RAPH1: variants seen among roughly 807,000 people sequenced by gnomAD.
RAPH1 encodes ras-associated and pleckstrin homology domains-containing protein 1.
In RAPH1, 18 loss-of-function variants were observed where a neutral mutation model predicts 88.1. That is an observed-to-expected ratio of 0.20 (90% CI 0.14 to 0.30). RAPH1 has a LOEUF of 0.30. RAPH1 is among the 10% of genes least tolerant of loss of function. The probability of loss-of-function intolerance (pLI) is 1.00; values close to 1 mark genes in which losing one functional copy is unlikely to be tolerated. For synonymous variants in RAPH1, 587 were observed against 559.0 expected (o/e 1.05, Z -0.71); for missense variants, 1,448 against 1,543.2 (o/e 0.94, Z 1.03).
intron 7 of RAPH1, among the ~76,000 whole-genome samples, chr2:203,458,718 G>T (rs1328510678): frequency 2.0e-5 from 3 of 151,940 alleles, no homozygotes; most frequent in Non-Finnish European, 4.4e-5. Context: ...CAAATCCACA[G>T]ATGCAGAACC....
Position 203,441,123 on chromosome 2 carries a change from G to T in RAPH1, c.2067C>A (p.Pro689=), listed in dbSNP as rs774181134. 2 of 1,612,318 alleles carry T rather than the reference G, an allele frequency of 1.2e-6. No individual in the cohort carries two copies. Among genetic ancestry groups the T allele is most frequent in the Non-Finnish European group, 1.7e-6 (2 of 1,179,344 alleles). Reference sequence around the variant, plus strand: ...TCACTGACTGTGACTGCATCACTGGGGGTGTTGGCGGCTTAAACAGGGCCC... The same window carrying T: ...TCACTGACTGTGACTGCATCACTGGTGGTGTTGGCGGCTTAAACAGGGCCC... ...HSGALFKPPT[P]PVMQSQSVKP... Residue 689 remains proline, a synonymous_variant, in exon 14 of 14, where the codon CCC becomes CCA. Coordinates refer to ENST00000319170, the MANE Select transcript of RAPH1 (RefSeq NM_213589.3).
chr2:203,501,077 CCAACTGTGCAAGTTA>C, intron 1 of RAPH1, among the ~76,000 whole-genome samples: 1 of 152,126 alleles, frequency 6.6e-6, no homozygotes, highest in Admixed American at 6.5e-5. Context: ...AAGGAGTACC[CCAACTGTGCAAGTTA>C]CAACTGTTGC....
chr2:203,512,074 A>G (rs1378924087), intron 1 of RAPH1, among the ~76,000 whole-genome samples: 1 of 151,896 alleles, frequency 6.6e-6, no homozygotes, highest in Non-Finnish European at 1.5e-5. Context: ...GATCGCACCA[A>G]TGCACTCCAG....
intron 1 of RAPH1, among the ~76,000 whole-genome samples, chr2:203,518,645 A>G (rs1027127461): frequency 7.9e-5 from 12 of 152,134 alleles, no homozygotes; most frequent in Non-Finnish European, 1.2e-4. Context: ...CAGGAGTTCA[A>G]CACCAGCCTG....
chr2:203,496,030 T>C (rs1243969773), intron 1 of RAPH1, among the ~76,000 whole-genome samples: 1 of 152,230 alleles, frequency 6.6e-6, no homozygotes, highest in Non-Finnish European at 1.5e-5. Flanking sequence ...TATAAGTCCC[T>C]TGAAAGAAGA....
chr2:203,443,116 C>T (rs1192248872), intron 13 of RAPH1: 2 of 152,196 alleles, frequency 1.3e-5, no homozygotes, highest in African/African-American at 2.4e-5. Context: ...TTCAGCCCCA[C>T]ATGGTGCTAC....
rs574875025 is a variant in RAPH1, at chr2:203,453,391, C to G, written c.1413+1039G>C. 1.7e-4 allele frequency among the ~76,000 whole-genome samples: 25 copies of G among 151,498 alleles called. No homozygotes were observed. The East Asian group carries it at 4.9e-3, about 29-fold the overall frequency. ...TAAACCCTGTCTCTACAAAAAAACA[C>G]AAAAATTAGCTGGGTGTGGTGGCAT... On this transcript the variant is annotated intron_variant, in intron 10 of 13. Transcript: ENST00000319170.
At position 203,439,856 on chromosome 2, in the gene RAPH1, A is replaced by G. The variant is rs1014717965; in HGVS notation, c.3334T>C (p.Ser1112Pro). 6 of 1,613,124 alleles carry G rather than the reference A, an allele frequency of 3.7e-6. No homozygotes were observed. The highest frequency in any genetic ancestry group is 5.1e-6 in the Non-Finnish European group (6 of 1,179,838). ...GGGGCCTTCTTCACTGACATTTTAGACCATTGTTGTGGTTGAGGATTAACG... is the reference window on the plus strand; with the variant it reads ...GGGGCCTTCTTCACTGACATTTTAGGCCATTGTTGTGGTTGAGGATTAACG... ...AVVNPQPQQW[S>P]KMSVKKAPPP... The change falls in exon 14 of 14, where the codon TCT (serine) becomes CCT (proline). Residue 1112 changes from serine (S) to proline (P), a missense_variant. Ser to Pro is a moderately conservative substitution (Grantham distance 74). This residue lies in a region of RAPH1 where 935 missense variants were observed against 890.1 expected (regional missense o/e 1.05). Transcript: ENST00000319170.
At chr2:203,522,661 G>T (rs1689939104) in intron 1 of RAPH1, among the ~76,000 whole-genome samples, 1 of 152,064 alleles carries the variant, frequency 6.6e-6, no homozygotes, top group Non-Finnish European at 1.5e-5. Context: ...CAGCAGTTTG[G>T]AAGGCTGAGG....
chr2:203,534,516 C>G (rs936791075), intron 1 of RAPH1, among the ~76,000 whole-genome samples: 1 of 106,020 alleles, frequency 9.4e-6, no homozygotes, highest in African/African-American at 3.0e-5. Flanking sequence ...CCACCCCCCC[C>G]CCCCCCCCAT....
In RAPH1 at chr2:203,467,650, T is replaced by C. The variant is rs541628663; in HGVS notation, c.733-5725A>G. ...TCGCTATATACAGGAGGACTTTTCA[T>C]GTCCAAGGTCTCAGGACCAACTTCA... On this transcript the variant is annotated intron_variant, in intron 4 of 13. Coordinates refer to ENST00000319170, the MANE Select transcript of RAPH1 (RefSeq NM_213589.3). 8.5e-5 allele frequency among the ~76,000 whole-genome samples: 13 copies of C among 152,260 alleles called. No individual in the cohort carries two copies. The East Asian group carries it at 1.9e-3, about 23-fold the overall frequency.
Position 203,477,119 on chromosome 2 carries a change from T to C in RAPH1, c.732+12465A>G, listed in dbSNP as rs201813057. 8.7e-5 allele frequency: 140 copies of C among 1,613,950 alleles called. 1 individual carries two copies. The highest frequency in any genetic ancestry group is 2.3e-5 in the Non-Finnish European group (27 of 1,179,960). ...TTCTTCTGTGAAGTCAATATGACGC[T>C]TGGCCTGCTTGCTGGAACATCTCAG... On this transcript the variant is annotated intron_variant, in intron 4 of 13. Coordinates refer to ENST00000319170, the MANE Select transcript of RAPH1 (RefSeq NM_213589.3).
At chr2:203,479,644 A>G (rs975258960) in intron 4 of RAPH1, among the ~76,000 whole-genome samples, 13 of 152,154 alleles carry the variant, frequency 8.5e-5, no homozygotes, top group Admixed American at 5.2e-4. Context: ...AGTATTCAAC[A>G]AGAGATGATT....
In RAPH1 at chr2:203,489,706, T is replaced by A; in HGVS notation, c.610A>T (p.Ile204Phe). 1 of 1,614,182 alleles carries A rather than the reference T, an allele frequency of 6.2e-7. No homozygotes were observed. Among genetic ancestry groups the A allele is most frequent in the Non-Finnish European group, 8.5e-7 (1 of 1,180,026 alleles). The change falls in exon 4 of 14, where the codon ATT (isoleucine) becomes TTT (phenylalanine). Residue 204 changes from isoleucine (I) to phenylalanine (F), a missense_variant. Coordinates refer to ENST00000319170, the MANE Select transcript of RAPH1 (RefSeq NM_213589.3). ...GTVSDAEVHSISNSSHSSITS... is the reference protein window; with the variant it reads ...GTVSDAEVHSFSNSSHSSITS... ...ATGCTGGAATGGGAGGAATTACTAA[T>A]AGAGTGTACTTCAGCATCACTCACT...
chr2:203,531,375 G>A (rs920385061), intron 1 of RAPH1, among the ~76,000 whole-genome samples: 2 of 151,748 alleles, frequency 1.3e-5, no homozygotes, highest in Admixed American at 1.3e-4. Context: ...TGCACGTTGT[G>A]CATATGTACA....
chr2:203,505,520 C>G (rs1688948933), intron 1 of RAPH1, among the ~76,000 whole-genome samples: 1 of 152,082 alleles, frequency 6.6e-6, no homozygotes, highest in Non-Finnish European at 1.5e-5. Flanking sequence ...GGGACACAGC[C>G]AAACCATATC....
At chr2:203,491,103 T>C (rs1688244158) in intron 3 of RAPH1, 111 bp downstream of exon 3, 2 of 588,398 alleles carry the variant, frequency 3.4e-6, no homozygotes, top group East Asian at 3.0e-5. Context: ...TTGGTCGAGT[T>C]ATGCATGTAG....
At chr2:203,449,139 AAC>A (rs1212200935) in intron 10 of RAPH1, among the ~76,000 whole-genome samples, 2 of 152,270 alleles carry the variant, frequency 1.3e-5, no homozygotes, top group East Asian at 3.8e-4. Context: ...CATCAAGGTT[AAC>A]AGAGTCCATA....
Position 203,441,070 on chromosome 2 carries a change from C to G in RAPH1, c.2120G>C (p.Gly707Ala). 1 of 1,551,512 alleles carries G rather than the reference C, an allele frequency of 6.4e-7. No individual in the cohort carries two copies. Among genetic ancestry groups the G allele is most frequent in the East Asian group, 2.3e-5 (1 of 43,704 alleles). The change falls in exon 14 of 14, where the codon GGA becomes GCA. Residue 707 changes from glycine (G) to alanine (A), a missense_variant. Physicochemically the swap from Gly to Ala is moderately conservative, Grantham distance 60 (BLOSUM62 0). Transcript: ENST00000319170. ...VKPQILVPPN[G>A]VVPPPPPPPP... ...AGGGGGAGGGGGTGGTGGAACAACT[C>G]CATTGGGGGGTACCAGGATCTGAGG...
Sources: allele counts gnomAD v4.1 joint callset (sites outside exome capture counted in the v4.1 genomes callset), GRCh38; gene constraint gnomAD v4.1.1; regional missense constraint gnomAD v4.1.1; transcripts MANE v1.5; gene names NCBI Gene and HGNC (gene_info 2026-07-23, HGNC 2026-07-21).